Variants in CFAP299 observed in about 807,000 individuals in gnomAD.
CFAP299 encodes the protein cilia- and flagella-associated protein 299.
CFAP299 carries 21 observed loss-of-function variants against 27.0 expected under a neutral mutation model. The observed-to-expected ratio is 0.78, with a 90% CI of 0.55 to 1.12. The LOEUF (loss-of-function observed/expected upper bound fraction) is 1.12, where lower values mean the gene tolerates loss of function less well. CFAP299 is among the 50% of genes most tolerant of loss of function. CFAP299 has a pLI of 0.00. For synonymous variants in CFAP299, 104 were observed against 98.1 expected (o/e 1.06, Z -0.36); for missense variants, 310 against 276.6 (o/e 1.12, Z -0.86).
chr4:80,890,671 C>A (rs1578215897), intron 4 of CFAP299, among the ~76,000 whole-genome samples: 1 of 149,740 alleles, frequency 6.7e-6, no homozygotes, highest in African/African-American at 2.5e-5. Flanking sequence ...GTTTACAGTC[C>A]CACCAACAGT....
chr4:80,622,537 A>T lies in CFAP299; in HGVS notation c.333+39354A>T, dbSNP rs1239017862. Among the ~76,000 whole-genome samples the T allele has an allele frequency of 3.9e-5, 6 of 152,170 alleles. No homozygotes were observed. In the East Asian group the frequency reaches 9.6e-4, roughly 24 times the overall value. ...ATCTTTTCTAAAACCATCTTGTTTC[A>T]TAATATAATAACTTGACTGGCCTTT... On this transcript the variant is annotated intron_variant, in intron 3 of 5. Transcript: ENST00000358105.
intron 3 of CFAP299, among the ~76,000 whole-genome samples, chr4:80,726,302 G>A (rs1316653262): frequency 1.3e-5 from 2 of 152,016 alleles, no homozygotes; most frequent in Non-Finnish European, 2.9e-5. Context: ...ATATATTAAA[G>A]ATGCCTATAA....
At chr4:80,500,102 G>GA (rs1731668602) in intron 2 of CFAP299, among the ~76,000 whole-genome samples, 1 of 152,014 alleles carries the variant, frequency 6.6e-6, no homozygotes, top group South Asian at 2.1e-4. Context: ...AGTCTGGATT[G>GA]AACTCCCATC....
chr4:80,860,022 A>G (rs1325316275), intron 3 of CFAP299, among the ~76,000 whole-genome samples: 30 of 152,050 alleles, frequency 2.0e-4, no homozygotes, highest in Non-Finnish European at 2.6e-4. Flanking sequence ...ACTTGGTTCC[A>G]TTCTCCCCAT....
intron 3 of CFAP299, among the ~76,000 whole-genome samples, chr4:80,652,358 G>T (rs974220786): frequency 6.6e-6 from 1 of 152,032 alleles, no homozygotes; most frequent in African/African-American, 2.4e-5. Flanking sequence ...ATAGAGAAAA[G>T]TAAGAAATGA....
chr4:80,538,149 G>A (rs1733832699), intron 2 of CFAP299, among the ~76,000 whole-genome samples: 1 of 152,002 alleles, frequency 6.6e-6, no homozygotes. Flanking sequence ...TCAGGTGTCT[G>A]TAAGTAAGTT....
At chr4:80,678,783 CA>C (rs1719639814) in intron 3 of CFAP299, among the ~76,000 whole-genome samples, 1 of 151,912 alleles carries the variant, frequency 6.6e-6, no homozygotes, top group African/African-American at 2.4e-5. Context: ...GAGAAAGTTG[CA>C]AAAATAGTAT....
intron 3 of CFAP299, among the ~76,000 whole-genome samples, chr4:80,643,258 G>A (rs1739821850): frequency 6.6e-6 from 1 of 152,188 alleles, no homozygotes; most frequent in South Asian, 2.1e-4. Context: ...CTAGATGGAA[G>A]TCCTTGGTGA....
At chr4:80,485,817 C>T (rs1730791467) in intron 2 of CFAP299, among the ~76,000 whole-genome samples, 1 of 151,940 alleles carries the variant, frequency 6.6e-6, no homozygotes, top group Admixed American at 6.6e-5. Context: ...TAGTAAAGGC[C>T]CTTTTAATTT....
At chr4:80,332,357 C>T (rs947214358), upstream of CFAP299, among the ~76,000 whole-genome samples, 5 of 151,768 alleles carry the variant, frequency 3.3e-5, no homozygotes, top group African/African-American at 7.3e-5. Context: ...GGATCATTTG[C>T]TTATTTTTAA....
intron 3 of CFAP299, among the ~76,000 whole-genome samples, chr4:80,629,029 G>T (rs188194722): frequency 6.6e-6 from 1 of 152,192 alleles, no homozygotes; most frequent in African/African-American, 2.4e-5. Context: ...TGTGTTTATT[G>T]CAGAATTATT....
chr4:80,704,331 A>T (rs1398016965), intron 3 of CFAP299, among the ~76,000 whole-genome samples: 1 of 151,754 alleles, frequency 6.6e-6, no homozygotes, highest in Non-Finnish European at 1.5e-5. Context: ...TAATAATATC[A>T]ACTACTGAGA....
chr4:80,563,158 C>CA (rs1323811062), intron 2 of CFAP299, among the ~76,000 whole-genome samples: 1 of 151,904 alleles, frequency 6.6e-6, no homozygotes, highest in East Asian at 1.9e-4. Flanking sequence ...AAATCAACAA[C>CA]AAAAAAATCA....
intron 3 of CFAP299, among the ~76,000 whole-genome samples, chr4:80,668,391 C>T (rs1741251663): frequency 6.6e-6 from 1 of 152,094 alleles, no homozygotes; most frequent in Admixed American, 6.6e-5. Flanking sequence ...AGACCAATAT[C>T]CTGGAGCATT....
At chr4:80,510,575 T>C (rs1732246763) in intron 2 of CFAP299, among the ~76,000 whole-genome samples, 1 of 152,154 alleles carries the variant, frequency 6.6e-6, no homozygotes, top group African/African-American at 2.4e-5. Context: ...CTTTTCCACC[T>C]CTGAGCATTC....
chr4:80,798,016 A>G (rs909580613), intron 3 of CFAP299, among the ~76,000 whole-genome samples: 4 of 152,132 alleles, frequency 2.6e-5, no homozygotes, highest in Non-Finnish European at 5.9e-5. Context: ...ATTCAGCCTG[A>G]TTCAACTCTA....
At chr4:80,564,957 T>G (rs1735209212) in intron 2 of CFAP299, among the ~76,000 whole-genome samples, 1 of 151,956 alleles carries the variant, frequency 6.6e-6, no homozygotes, top group Non-Finnish European at 1.5e-5. Context: ...ACAAAAGAAG[T>G]GAAAAATCTC....
intron 2 of CFAP299, among the ~76,000 whole-genome samples, chr4:80,536,615 A>G (rs1733752003): frequency 6.6e-6 from 1 of 152,182 alleles, no homozygotes; most frequent in African/African-American, 2.4e-5. Context: ...TACAGGGAGG[A>G]AAGGGTGGTC....
chr4:80,883,841 TTTTTG>T (rs1456610282), intron 4 of CFAP299, among the ~76,000 whole-genome samples: 1 of 151,386 alleles, frequency 6.6e-6, no homozygotes, highest in Non-Finnish European at 1.5e-5. Context: ...ATAGTCCACT[TTTTTG>T]TTTGTTTGTT....
Sources: gnomAD v4.1 joint callset for allele counts (sites outside exome capture counted in the v4.1 genomes callset) on GRCh38, gnomAD v4.1.1 for gene constraint, MANE v1.5 for transcripts, NCBI Gene and HGNC (gene_info 2026-07-23, HGNC 2026-07-21) for gene names.